Variants in RANBP2 observed in about 807,000 individuals in gnomAD.
RANBP2 encodes RAN binding protein 2, also known as E3 SUMO-protein ligase RanBP2.
In RANBP2, 57 loss-of-function variants were observed where a neutral mutation model predicts 303.6. The ratio of observed to expected loss-of-function variants is 0.19; its 90% CI spans 0.15 to 0.23. The LOEUF (loss-of-function observed/expected upper bound fraction) is 0.23, where lower values mean the gene tolerates loss of function less well. Ranked by LOEUF, RANBP2 falls within the 10% of genes least tolerant of loss-of-function variation. RANBP2 has a pLI of 1.00. For missense variants in RANBP2, 3,138 were observed against 3,780.8 expected (o/e 0.83, Z 4.46); for synonymous variants, 1,167 against 1,301.5 (o/e 0.90, Z 2.23).
Position 108,722,638 on chromosome 2 carries a change from T to C in RANBP2, c.72+2960T>C, listed in dbSNP as rs1469800200. Among the ~76,000 whole-genome samples the C allele has an allele frequency of 1.6e-5, 2 of 122,036 alleles. 1 individual carries two copies. Among genetic ancestry groups the C allele is most frequent in the Admixed American group, 1.5e-4 (2 of 13,718 alleles). The allele number at this position is 122,036 out of a possible 152,430, so 80.1% of individuals were successfully genotyped here. A position where few individuals can be genotyped will look rare whatever the true frequency, so the allele number is the denominator to read the frequency against. ...ATTTTTCTACTCCCTCACATGTGCT[T>C]TTGCCCTTAAAAATATTCTTCGTCT... On this transcript the variant is annotated intron_variant, in intron 1 of 28. Transcript: ENST00000283195.
the RANBP2 span, among the ~76,000 whole-genome samples, chr2:109,510,878 G>A: frequency 6.6e-6 from 1 of 152,218 alleles, no homozygotes; most frequent in Non-Finnish European, 1.5e-5. Flanking sequence ...CGGAGCTATG[G>A]GGAGTGGGCC....
chr2:108,780,180 TTTTTTTTCC>T (rs1354465146), intron 25 of RANBP2, among the ~76,000 whole-genome samples: 12 of 151,616 alleles, frequency 7.9e-5, no homozygotes, highest in South Asian at 6.3e-4. Flanking sequence ...ACTAGCTTTT[TTTTTTTTCC>T]TTTTTTTCCT....
At chr2:109,072,626 A>G in the RANBP2 span, among the ~76,000 whole-genome samples, 1 of 152,224 alleles carries the variant, frequency 6.6e-6, no homozygotes, top group African/African-American at 2.4e-5. Flanking sequence ...GGGGTGACAG[A>G]GAGCAAAGCA....
chr2:108,822,703 G>A, the RANBP2 span, among the ~76,000 whole-genome samples: 1 of 151,946 alleles, frequency 6.6e-6, no homozygotes, highest in African/African-American at 2.4e-5. Context: ...GCAACCATTG[G>A]GTCAAAGAAG....
At chr2:109,532,142 C>T in the RANBP2 span, among the ~76,000 whole-genome samples, 1 of 152,192 alleles carries the variant, frequency 6.6e-6, no homozygotes, top group African/African-American at 2.4e-5. Context: ...CTGGAGAAGG[C>T]TTGGGAGGAT....
At chr2:109,680,265 A>AT in the RANBP2 span, among the ~76,000 whole-genome samples, 1 of 151,644 alleles carries the variant, frequency 6.6e-6, no homozygotes, top group African/African-American at 2.4e-5. Flanking sequence ...AGGCAGGAGA[A>AT]TGGTGTAAAC....
the RANBP2 span, among the ~76,000 whole-genome samples, chr2:109,199,330 A>ATAAAATAAATAAAAT: frequency 8.0e-5 from 12 of 150,552 alleles, no homozygotes; most frequent in East Asian, 9.7e-4. Context: ...TCAAAAAGTA[A>ATAAAATAAATAAAAT]AATGGAATGG....
the RANBP2 span, among the ~76,000 whole-genome samples, chr2:108,928,642 CTG>C: frequency 3.3e-5 from 5 of 152,174 alleles, no homozygotes; most frequent in African/African-American, 9.7e-5. Flanking sequence ...GATTGAGAGT[CTG>C]TATTTTCCTG....
At chr2:108,947,231 G>C in the RANBP2 span, among the ~76,000 whole-genome samples, 1 of 152,230 alleles carries the variant, frequency 6.6e-6, no homozygotes, top group East Asian at 1.9e-4. Context: ...CTGATGCAAG[G>C]GGTGGGCTCC....
chr2:109,364,277 G>A, the RANBP2 span, among the ~76,000 whole-genome samples: 1 of 151,758 alleles, frequency 6.6e-6, no homozygotes, highest in African/African-American at 2.4e-5. Context: ...TAATAAGCAC[G>A]TCGAAGGCAT....
the RANBP2 span, among the ~76,000 whole-genome samples, chr2:108,850,363 T>G: frequency 3.3e-5 from 5 of 152,282 alleles, no homozygotes; most frequent in Admixed American, 3.3e-4. Flanking sequence ...CAGATATATA[T>G]AGATCTATGA....
At chr2:109,525,077 TTG>T in the RANBP2 span, among the ~76,000 whole-genome samples, 2 of 147,766 alleles carry the variant, frequency 1.4e-5, no homozygotes, top group African/African-American at 5.2e-5. Context: ...CTCCTTACCG[TTG>T]TTTTTTTTTT....
chr2:109,134,261 C>G, the RANBP2 span, among the ~76,000 whole-genome samples: 1 of 152,194 alleles, frequency 6.6e-6, no homozygotes, highest in East Asian at 1.9e-4. Flanking sequence ...CTCCGCCCTT[C>G]TGTCCAGTTT....
chr2:109,027,595 G>C, the RANBP2 span, among the ~76,000 whole-genome samples: 3 of 152,194 alleles, frequency 2.0e-5, no homozygotes, highest in Admixed American at 6.5e-5. Context: ...CTCCCCTCCT[G>C]TAAGTGGTGA....
At chr2:108,826,277 T>C in the RANBP2 span, among the ~76,000 whole-genome samples, 1 of 152,230 alleles carries the variant, frequency 6.6e-6, no homozygotes, top group Admixed American at 6.5e-5. Flanking sequence ...GTCCAATTTA[T>C]GCTTTTTTCT....
chr2:109,169,769 CACAT>C, the RANBP2 span, among the ~76,000 whole-genome samples: 5 of 152,022 alleles, frequency 3.3e-5, no homozygotes, highest in Admixed American at 1.3e-4. Context: ...CACACACACA[CACAT>C]GACCCCCCAA....
At chr2:109,517,631 C>T in the RANBP2 span, among the ~76,000 whole-genome samples, 1,082 of 152,352 alleles carry the variant, frequency 7.1e-3, 12 homozygotes, top group African/African-American at 0.024. Context: ...GTGAGCTCCA[C>T]GCCTGCAGAC....
the RANBP2 span, among the ~76,000 whole-genome samples, chr2:109,274,196 G>A: frequency 6.6e-6 from 1 of 152,152 alleles, no homozygotes; most frequent in Admixed American, 6.5e-5. Context: ...ATTATTCCTT[G>A]GAACAAACAT....
the RANBP2 span, among the ~76,000 whole-genome samples, chr2:109,465,943 T>G: frequency 7.8e-4 from 119 of 152,066 alleles, 1 homozygote; most frequent in African/African-American, 2.6e-3. Flanking sequence ...TCCAGTCACC[T>G]CCCACCAGAC....
Sources: gnomAD v4.1 joint callset for allele counts (sites outside exome capture counted in the v4.1 genomes callset) on GRCh38, gnomAD v4.1.1 for gene constraint, MANE v1.5 for transcripts, NCBI Gene and HGNC (gene_info 2026-07-23, HGNC 2026-07-21) for gene names.